CEACAM5: variants seen among roughly 807,000 people sequenced by gnomAD.
CEACAM5 encodes the protein cell adhesion molecule CEACAM5.
Under a neutral mutation model 63.0 loss-of-function variants are expected in CEACAM5, and 52 were observed. The observed-to-expected ratio is 0.83, with a 90% CI of 0.66 to 1.04. The LOEUF (loss-of-function observed/expected upper bound fraction) is 1.04. Among genes scored for constraint, CEACAM5 ranks in the 50% least tolerant of loss-of-function variants. The pLI is 0.00. For missense variants in CEACAM5, 790 were observed against 864.8 expected, an observed-to-expected ratio of 0.91 and a Z score of 1.08; for synonymous variants, 357 against 351.3, an observed-to-expected ratio of 1.02 and a Z score of -0.18.
Position 41,709,668 on chromosome 19 carries a change from G to C in CEACAM5, c.65-12G>C, listed in dbSNP as rs201964861. Reference sequence around the variant, plus strand: ...GTCCCAATATTGACCGATGCTCTCTGCTCTCTCCTAGCCTCACTTCTAACC... The same window carrying C: ...GTCCCAATATTGACCGATGCTCTCTCCTCTCTCCTAGCCTCACTTCTAACC... On this transcript the variant is annotated splice_polypyrimidine_tract_variant and intron_variant, in intron 1 of 9. Coordinates refer to ENST00000221992, the MANE Select transcript of CEACAM5 (RefSeq NM_004363.6). 996 of 1,609,376 alleles carry C rather than the reference G, an allele frequency of 6.2e-4. No homozygotes were observed. The highest frequency in any genetic ancestry group is 5.4e-4 in the Non-Finnish European group (634 of 1,177,246).
Position 41,718,018 on chromosome 19 carries a change from A to G in CEACAM5, c.1238-110A>G, listed in dbSNP as rs950507721. ...TGGATACAGTAGGGGTTTGGTTAGG[A>G]CTTCAGGATTGTGACTTGGCTCAGG... On this transcript the variant is annotated intron_variant, in intron 5 of 9. Transcript: ENST00000221992. The G allele has an allele frequency of 6.0e-6, 8 of 1,336,330 alleles. No individual in the cohort carries two copies. The Admixed American group carries it at 8.0e-5, about 13-fold the overall frequency. 82.8% of individuals were successfully genotyped at this position (1,336,330 alleles called of 1,614,324 possible).
chr19:41,719,957 G>T lies in CEACAM5; in HGVS notation c.1520G>T (p.Ser507Ile), dbSNP rs782328991. 3.7e-6 allele frequency: 6 copies of T among 1,614,192 alleles called. No homozygotes were observed. In the Admixed American group the frequency reaches 1.0e-4, roughly 27 times the overall value. ...SAELPKPSIS[S>I]NNSKPVEDKD... is the part of the protein sequence containing the mutation. ...GAGCTGCCCAAGCCCTCCATCTCCAGCAACAACTCCAAACCCGTGGAGGAC... is the reference window on the plus strand; with the variant it reads ...GAGCTGCCCAAGCCCTCCATCTCCATCAACAACTCCAAACCCGTGGAGGAC... The change falls in exon 7 of 10, where the codon AGC becomes ATC. Residue 507 changes from serine (S) to isoleucine (I), a missense_variant. Coordinates refer to ENST00000221992, the MANE Select transcript of CEACAM5 (RefSeq NM_004363.6).
intron 4 of CEACAM5, 61 bp from the exon 5 acceptor site, chr19:41,717,394 G>T (rs1428363339): frequency 1.3e-6 from 2 of 1,552,102 alleles, no homozygotes; most frequent in East Asian, 4.5e-5. Flanking sequence ...CTGATTGATA[G>T]ATGCCCGTGG....
chr19:41,716,049 A>G (rs746023980), intron 4 of CEACAM5, 145 bp downstream of exon 4: 229 of 893,734 alleles, frequency 2.6e-4, no homozygotes, highest in Non-Finnish European at 3.4e-4. Flanking sequence ...AACCTCCCCA[A>G]TATGTCTCTA....
chr19:41,729,687 A>C lies in CEACAM5; in HGVS notation c.*540A>C, dbSNP rs1346706726. ...AATATTTTCATAATTTTTTATTTGA[A>C]ATTTTGCTGATTCTTTAAATGTCTT... On this transcript the variant is annotated 3_prime_UTR_variant, in exon 10 of 10. Coordinates refer to ENST00000221992, the MANE Select transcript of CEACAM5 (RefSeq NM_004363.6). The C allele has an allele frequency of 6.6e-6, 1 of 152,140 alleles. No homozygotes were observed. The highest frequency in any genetic ancestry group is 2.4e-5 in the African/African-American group (1 of 41,430). 9.4% of individuals were successfully genotyped at this position (152,140 alleles called of 1,614,324 possible).
At position 41,715,220 on chromosome 19, in the gene CEACAM5, G is replaced by A. The variant is rs376770900; in HGVS notation, c.674G>A (p.Arg225His). 32 of 1,614,218 alleles carry A rather than the reference G, an allele frequency of 2.0e-5. No homozygotes were observed. The highest frequency in any genetic ancestry group is 1.1e-4 in the African/African-American group (8 of 75,040). ...ACCCAGAACCCAGTGAGTGCCAGGC[G>A]CAGTGATTCAGTCATCCTGAATGTC... Reference protein sequence around the residue: ...CETQNPVSARRSDSVILNVLY... With the variant: ...CETQNPVSARHSDSVILNVLY... The change falls in exon 3 of 10, where the codon CGC (arginine) becomes CAC (histidine). Residue 225 changes from arginine to histidine, a missense_variant. By Grantham distance (29) the Arg-to-His change is conservative. Coordinates refer to ENST00000221992, the MANE Select transcript of CEACAM5 (RefSeq NM_004363.6).
Position 41,717,321 on chromosome 19 carries a change from G to A in CEACAM5, c.959-134G>A, listed in dbSNP as rs563734290. On this transcript the variant is annotated intron_variant, in intron 4 of 9. Coordinates refer to ENST00000221992, the MANE Select transcript of CEACAM5 (RefSeq NM_004363.6). ...GATCATTGTGCATCTGTCTTGTGAC[G>A]CACACACACCTGCCATGAGCTTTTA... 3.3e-4 allele frequency: 306 copies of A among 939,258 alleles called. 1 individual carries two copies. The highest frequency in any genetic ancestry group is 5.3e-4 in the Admixed American group (23 of 43,112). The allele number at this position is 939,258 out of a possible 1,614,324, so 58.2% of individuals were successfully genotyped here. A position where few individuals can be genotyped will look rare whatever the true frequency, so the allele number is the denominator to read the frequency against.
chr19:41,730,391 C>T lies in CEACAM5; in HGVS notation c.*1244C>T, dbSNP rs2072754411. On this transcript the variant is annotated 3_prime_UTR_variant, in exon 10 of 10. Coordinates refer to ENST00000221992, the MANE Select transcript of CEACAM5 (RefSeq NM_004363.6). ...GAGCCAAGATCATGCCGCTGCACTC[C>T]AGCCTGGGAGACAAAGTGAGACTCC... Among the ~76,000 whole-genome samples, 1 of 149,850 alleles carries T rather than the reference C, an allele frequency of 6.7e-6. No individual in the cohort carries two copies. The highest frequency in any genetic ancestry group is 2.1e-4 in the South Asian group (1 of 4,702).
At chr19:41,716,002 TC>T in intron 4 of CEACAM5, 98 bp downstream of exon 4, 1 of 1,397,194 alleles carries the variant, frequency 7.2e-7, no homozygotes, top group Non-Finnish European at 9.9e-7. Flanking sequence ...CCAGCCTGTG[TC>T]CAGTGGGCAC....
In CEACAM5 at chr19:41,715,213, G is replaced by T; in HGVS notation, c.667G>T (p.Ala223Ser). 3 of 1,614,234 alleles carry T rather than the reference G, an allele frequency of 1.9e-6. No homozygotes were observed. The highest frequency in any genetic ancestry group is 2.2e-5 in the South Asian group (2 of 91,088). ...YKCETQNPVS[A>S]RRSDSVILNV... ...ATGTGAAACCCAGAACCCAGTGAGT[G>T]CCAGGCGCAGTGATTCAGTCATCCT... is the stretch of plus-strand genomic sequence containing the variant. The change falls in exon 3 of 10, where the codon GCC becomes TCC. Residue 223 changes from alanine (A) to serine (S), a missense_variant. Transcript: ENST00000221992.
At position 41,729,620 on chromosome 19, in the gene CEACAM5, G is replaced by C. The variant is rs943567039; in HGVS notation, c.*473G>C. 28 of 152,176 alleles carry C rather than the reference G, an allele frequency of 1.8e-4. No homozygotes were observed. Among genetic ancestry groups the C allele is most frequent in the African/African-American group, 6.5e-4 (27 of 41,502 alleles). The allele number at this position is 152,176 out of a possible 1,614,324, so 9.4% of individuals were successfully genotyped here. On this transcript the variant is annotated 3_prime_UTR_variant, in exon 10 of 10. Coordinates refer to ENST00000221992, the MANE Select transcript of CEACAM5 (RefSeq NM_004363.6). ...AAACTGTCCACCAAGATCAAGCAGA[G>C]AAAATAATTAATTTCATGGGACTAA...
chr19:41,714,144 G>A (rs1401445610), intron 2 of CEACAM5, among the ~76,000 whole-genome samples: 1 of 152,128 alleles, frequency 6.6e-6, no homozygotes, highest in Non-Finnish European at 1.5e-5. Context: ...GAACCCGGGA[G>A]GCAGAGGTTG....
rs534720244 is a variant in CEACAM5 at position 41,717,575 on chromosome 19, A to G, written c.1079A>G (p.Asn360Ser). Reference sequence around the variant, plus strand: ...ACAACCTACCTGTGGTGGGTAAATAATCAGAGCCTCCCGGTCAGTCCCAGG... The same window carrying G: ...ACAACCTACCTGTGGTGGGTAAATAGTCAGAGCCTCCCGGTCAGTCCCAGG... ...QNTTYLWWVN[N>S]QSLPVSPRLQ... is the part of the protein sequence containing the mutation. The change falls in exon 5 of 10, where the codon AAT (asparagine) becomes AGT (serine). Residue 360 changes from asparagine (N) to serine (S), a missense_variant. By Grantham distance (46) the Asn-to-Ser change is conservative. Coordinates refer to ENST00000221992, the MANE Select transcript of CEACAM5 (RefSeq NM_004363.6). 16 of 1,614,204 alleles carry G rather than the reference A, an allele frequency of 9.9e-6. No individual in the cohort carries two copies. The highest frequency in any genetic ancestry group is 6.6e-5 in the South Asian group (6 of 91,084).
At chr19:41,716,270 T>C (rs1454021831) in intron 4 of CEACAM5, among the ~76,000 whole-genome samples, 10 of 152,226 alleles carry the variant, frequency 6.6e-5, no homozygotes, top group Admixed American at 5.9e-4. Context: ...GCCTACTCCA[T>C]GAGCTACAAG....
chr19:41,726,458 T>A (rs1021363801), intron 8 of CEACAM5, among the ~76,000 whole-genome samples: 6 of 152,042 alleles, frequency 3.9e-5, no homozygotes, highest in African/African-American at 1.4e-4. Context: ...TGGCTAAAAA[T>A]GGGGGAGAGA....
chr19:41,724,222 G>C (rs927377477), intron 8 of CEACAM5, among the ~76,000 whole-genome samples: 2 of 152,146 alleles, frequency 1.3e-5, no homozygotes, highest in African/African-American at 2.4e-5. Flanking sequence ...TTGTTGAAAA[G>C]ACTGTCCTTT....
intron 9 of CEACAM5, 109 bp from the exon 10 acceptor site, chr19:41,729,075 T>C (rs951216833): frequency 2.0e-5 from 3 of 152,236 alleles, no homozygotes; most frequent in East Asian, 3.8e-4. Context: ...TCAGCCATAA[T>C]GTCATATGCC....
rs781889911 is a variant in CEACAM5, at chr19:41,729,645, A to C, written c.*498A>C. On this transcript the variant is annotated 3_prime_UTR_variant, in exon 10 of 10. Coordinates refer to ENST00000221992, the MANE Select transcript of CEACAM5 (RefSeq NM_004363.6). The stretch of plus-strand genomic sequence containing the variant: ...GAAAATAATTAATTTCATGGGACTA[A>C]ATGAACTAATGAGGATAATATTTTC... The C allele has an allele frequency of 9.9e-5, 15 of 152,130 alleles. No homozygotes were observed. The highest frequency in any genetic ancestry group is 1.6e-4 in the Non-Finnish European group (11 of 68,016). The allele number at this position is 152,130 out of a possible 1,614,324, so 9.4% of individuals were successfully genotyped here.
rs190377739 is a variant in CEACAM5, at chr19:41,708,702, C to A, written c.-30C>A. On this transcript the variant is annotated 5_prime_UTR_variant, in exon 1 of 10. Coordinates refer to ENST00000221992, the MANE Select transcript of CEACAM5 (RefSeq NM_004363.6). Reference sequence around the variant, plus strand: ...TTCCTGGAACTCAAGCTCTTCTCCACAGAGGAGGACAGAGCAGACAGCAGA... The same window carrying A: ...TTCCTGGAACTCAAGCTCTTCTCCAAAGAGGAGGACAGAGCAGACAGCAGA... The A allele has an allele frequency of 2.3e-5, 36 of 1,599,924 alleles. No homozygotes were observed. In the Admixed American group the frequency reaches 3.1e-4, roughly 14 times the overall value.
Sources: gnomAD v4.1 joint callset for allele counts (sites outside exome capture counted in the v4.1 genomes callset) on GRCh38, gnomAD v4.1.1 for gene constraint, MANE v1.5 for transcripts, NCBI Gene and HGNC (gene_info 2026-07-23, HGNC 2026-07-21) for gene names.